KDM4C: variants seen among roughly 807,000 people sequenced by gnomAD.
The protein encoded by KDM4C is lysine-specific demethylase 4C.
A neutral mutation model predicts 129.3 loss-of-function variants in KDM4C; 81 were observed. The ratio of observed to expected loss-of-function variants is 0.63; its 90% CI spans 0.52 to 0.75. KDM4C has a LOEUF of 0.75. Among genes scored for constraint, KDM4C ranks in the 30% least tolerant of loss-of-function variants. The probability of loss-of-function intolerance (pLI) is 0.00; values close to 1 mark genes in which losing one functional copy is unlikely to be tolerated. For synonymous variants in KDM4C, 573 were observed against 456.1 expected, an observed-to-expected ratio of 1.26 and a Z score of -3.26; for missense variants, 1,457 against 1,304.0, an observed-to-expected ratio of 1.12 and a Z score of -1.81.
intron 6 of KDM4C, among the ~76,000 whole-genome samples, chr9:6,881,443 A>G (rs183857868): frequency 1.4e-4 from 21 of 152,334 alleles, no homozygotes; most frequent in African/African-American, 4.6e-4. Context: ...TTACTGTAAC[A>G]CTTAACTACG....
intron 8 of KDM4C, among the ~76,000 whole-genome samples, chr9:6,972,315 A>AAC (rs1325115576): frequency 6.6e-5 from 10 of 151,780 alleles, no homozygotes; most frequent in Non-Finnish European, 1.2e-4. Context: ...AGAAAAAGAA[A>AAC]ACACACACAC....
chr9:6,797,568 T>A (rs924947181), intron 2 of KDM4C, among the ~76,000 whole-genome samples: 1 of 152,148 alleles, frequency 6.6e-6, no homozygotes, highest in Non-Finnish European at 1.5e-5. Flanking sequence ...TGGAAGGAGA[T>A]TATGATGAAC....
intron 1 of KDM4C, among the ~76,000 whole-genome samples, chr9:6,740,845 T>C (rs959623356): frequency 6.6e-6 from 1 of 151,916 alleles, no homozygotes; most frequent in African/African-American, 2.4e-5. Context: ...TCTTTTTTTT[T>C]GAGACGGAGT....
chr9:7,108,492 C>T (rs1304933121), intron 18 of KDM4C, among the ~76,000 whole-genome samples: 1 of 152,184 alleles, frequency 6.6e-6, no homozygotes, highest in Non-Finnish European at 1.5e-5. Flanking sequence ...CTGCCTTGGC[C>T]TCCCAAAGTG....
chr9:7,031,680 GTGTGTGTA>G (rs1826810758), intron 15 of KDM4C, among the ~76,000 whole-genome samples: 1 of 151,916 alleles, frequency 6.6e-6, no homozygotes, highest in Admixed American at 6.6e-5. Flanking sequence ...ATATATATGT[GTGTGTGTA>G]TGTGTGTGTG....
At chr9:6,757,582 C>G (rs1818433063), upstream of KDM4C, 12 of 964,966 alleles carry the variant, frequency 1.2e-5, no homozygotes, top group Non-Finnish European at 1.2e-5. Context: ...CCAGGCTCTC[C>G]AGTACATTCC....
chr9:7,065,073 C>T (rs754409661), intron 17 of KDM4C, among the ~76,000 whole-genome samples: 1 of 152,186 alleles, frequency 6.6e-6, no homozygotes, highest in Non-Finnish European at 1.5e-5. Flanking sequence ...CATAATCTAA[C>T]ACCGGGATTT....
At position 6,744,330 on chromosome 9, in the gene KDM4C, C is replaced by A. The variant is rs147369136; in HGVS notation, c.49+23333C>A. ...CACGAGGTTAAGAGATTGAGACCAT[C>A]CTGGCTAACATGGTGAAACCGCATC... On this transcript the variant is annotated intron_variant, in intron 1 of 17. Transcript: ENST00000536108. 5.0e-3 allele frequency among the ~76,000 whole-genome samples: 759 copies of A among 152,130 alleles called. 7 individuals carry two copies. Among genetic ancestry groups the A allele is most frequent in the African/African-American group, 0.017 (725 of 41,506 alleles).
intron 12 of KDM4C, among the ~76,000 whole-genome samples, chr9:6,995,524 G>A (rs1291334504): frequency 6.6e-6 from 1 of 152,176 alleles, no homozygotes; most frequent in Non-Finnish European, 1.5e-5. Context: ...TGTTTTCAAA[G>A]TATCATCTTT....
intron 8 of KDM4C, among the ~76,000 whole-genome samples, chr9:6,951,197 C>T (rs996777927): frequency 6.6e-6 from 1 of 151,982 alleles, no homozygotes; most frequent in African/African-American, 2.4e-5. Flanking sequence ...TGTCTTCTTT[C>T]TTAGCTATTT....
rs1837529712 is a variant in KDM4C at position 6,844,622 on chromosome 9, C to CTG, written c.436-4882_436-4881dup. Among the ~76,000 whole-genome samples, 4 of 152,226 alleles carry CTG rather than the reference C, an allele frequency of 2.6e-5. No homozygotes were observed. In the South Asian group the frequency reaches 8.3e-4, roughly 31 times the overall value. ...GTGCTTTTGGGGGTGCCTGTCAGCA[C>CTG]TGTGACTGTCTTAAGAGCTAGAGTT... On this transcript the variant is annotated intron_variant, in intron 4 of 21. Transcript: ENST00000381309.
chr9:6,803,007 C>G (rs1017660849), intron 2 of KDM4C, among the ~76,000 whole-genome samples: 4 of 152,164 alleles, frequency 2.6e-5, no homozygotes, highest in African/African-American at 7.2e-5. Flanking sequence ...ATTTGCAAAA[C>G]TGGTGTATAG....
intron 12 of KDM4C, among the ~76,000 whole-genome samples, chr9:6,998,947 C>A (rs1417113084): frequency 6.6e-6 from 1 of 152,026 alleles, no homozygotes; most frequent in African/African-American, 2.4e-5. Flanking sequence ...TTTTTTCTGG[C>A]ATCGCCTGGG....
intron 20 of KDM4C, among the ~76,000 whole-genome samples, chr9:7,169,491 A>G (rs1844742101): frequency 6.6e-6 from 1 of 152,076 alleles, no homozygotes; most frequent in South Asian, 2.1e-4. Flanking sequence ...ATGCGCCACC[A>G]TGCCTGGCTA....
intron 8 of KDM4C, among the ~76,000 whole-genome samples, chr9:6,929,948 A>G (rs1383018801): frequency 1.3e-5 from 2 of 152,132 alleles, no homozygotes; most frequent in African/African-American, 4.8e-5. Context: ...CATTAATTTT[A>G]TTGATCCCTT....
chr9:7,100,167 C>T (rs1300645034), intron 17 of KDM4C, among the ~76,000 whole-genome samples: 1 of 152,096 alleles, frequency 6.6e-6, no homozygotes, highest in Non-Finnish European at 1.5e-5. Flanking sequence ...AAGGCCAAAG[C>T]AGGCAAATTG....
intron 4 of KDM4C, among the ~76,000 whole-genome samples, chr9:6,833,562 G>A (rs530273914): frequency 4.6e-5 from 7 of 152,152 alleles, no homozygotes; most frequent in African/African-American, 1.4e-4. Flanking sequence ...GTGAGGTCTT[G>A]GCAAGTTATC....
chr9:6,922,872 C>G (rs7854849), intron 8 of KDM4C, among the ~76,000 whole-genome samples: 5,222 of 152,340 alleles, frequency 0.034, 132 homozygotes, highest in African/African-American at 0.067. Context: ...ATGCTTATCT[C>G]TCCCTCTCTG....
chr9:6,738,398 C>G lies in KDM4C; in HGVS notation c.49+17401C>G, dbSNP rs563761366. On this transcript the variant is annotated intron_variant, in intron 1 of 17. Coordinates refer to the KDM4C transcript ENST00000536108. ...GCTGAGGCAGGAGAATCGCTTGAAC[C>G]TGGGAGGCGAAGGTTGCAGTTAGCA... is the stretch of plus-strand genomic sequence containing the variant. Among the ~76,000 whole-genome samples the G allele has an allele frequency of 3.9e-5, 6 of 152,262 alleles. No homozygotes were observed. The Middle Eastern group carries it at 0.017, about 432-fold the overall frequency.
Sources: allele counts gnomAD v4.1 joint callset (sites outside exome capture counted in the v4.1 genomes callset), GRCh38; gene constraint gnomAD v4.1.1; transcripts MANE v1.5; gene names NCBI Gene and HGNC (gene_info 2026-07-23, HGNC 2026-07-21).